Variants in ASCC3 observed in about 807,000 individuals in gnomAD.
The protein encoded by ASCC3 is activating signal cointegrator 1 complex subunit 3, also known as ASC-1 complex subunit P200.
Under a neutral mutation model 256.3 loss-of-function variants are expected in ASCC3, and 158 were observed. The observed-to-expected ratio is 0.62, with a 90% CI of 0.54 to 0.70. The LOEUF (loss-of-function observed/expected upper bound fraction) is 0.70, where lower values mean the gene tolerates loss of function less well. Among genes scored for constraint, ASCC3 ranks in the 30% least tolerant of loss-of-function variants. ASCC3 has a pLI of 0.00. For synonymous variants in ASCC3, 948 were observed against 883.4 expected, an observed-to-expected ratio of 1.07 and a Z score of -1.30; for missense variants, 2,259 against 2,626.0, an observed-to-expected ratio of 0.86 and a Z score of 3.05.
chr6:100,702,987 C>G (rs929392427), intron 13 of ASCC3, among the ~76,000 whole-genome samples: 1 of 151,980 alleles, frequency 6.6e-6, no homozygotes, highest in Admixed American at 6.6e-5. Context: ...TAGGCATGAC[C>G]AATGATCATG....
intron 8 of ASCC3, among the ~76,000 whole-genome samples, chr6:100,794,820 T>TAAGG (rs1455954487): frequency 6.6e-6 from 1 of 152,054 alleles, no homozygotes; most frequent in Non-Finnish European, 1.5e-5. Flanking sequence ...AATAACACCC[T>TAAGG]ACTGACTCTT....
intron 14 of ASCC3, among the ~76,000 whole-genome samples, chr6:100,669,547 C>G (rs548972846): frequency 1.3e-4 from 19 of 151,638 alleles, no homozygotes; most frequent in Non-Finnish European, 2.4e-4. Flanking sequence ...AATGCACTAA[C>G]TTAACTAAAA....
intron 36 of ASCC3, among the ~76,000 whole-genome samples, chr6:100,545,054 C>A (rs938746596): frequency 6.6e-6 from 1 of 152,102 alleles, no homozygotes; most frequent in African/African-American, 2.4e-5. Flanking sequence ...AGAAAAACCA[C>A]ATTATCATCT....
chr6:100,719,710 T>C (rs1287082975), intron 11 of ASCC3, among the ~76,000 whole-genome samples: 1 of 151,966 alleles, frequency 6.6e-6, no homozygotes, highest in African/African-American at 2.4e-5. Context: ...CCTATTTACC[T>C]TAAAAGTATT....
chr6:100,677,133 T>A (rs1190431468), intron 14 of ASCC3, among the ~76,000 whole-genome samples: 1 of 152,112 alleles, frequency 6.6e-6, no homozygotes, highest in East Asian at 1.9e-4. Flanking sequence ...CCATTTAAGT[T>A]CAAAGGCACT....
intron 4 of ASCC3, 64 bp downstream of exon 4, chr6:100,848,084 A>G (rs1431913594): frequency 6.9e-7 from 1 of 1,452,162 alleles, no homozygotes; most frequent in Non-Finnish European, 9.2e-7. Context: ...ACCCATGTTT[A>G]AAAAACACTA....
intron 14 of ASCC3, among the ~76,000 whole-genome samples, chr6:100,674,759 A>G (rs774550430): frequency 6.6e-5 from 10 of 150,648 alleles, no homozygotes; most frequent in Non-Finnish European, 1.2e-4. Context: ...CAGCCTTCCC[A>G]AGTAGTTGGG....
intron 30 of ASCC3, among the ~76,000 whole-genome samples, chr6:100,617,523 G>C (rs1055353616): frequency 1.3e-5 from 2 of 152,130 alleles, no homozygotes; most frequent in Non-Finnish European, 2.9e-5. Context: ...AAAACTTCTA[G>C]AAGTTGTATA....
At chr6:100,679,781 T>C (rs1777204431) in intron 13 of ASCC3, 29 bp from the exon 14 acceptor site, 4 of 1,609,036 alleles carry the variant, frequency 2.5e-6, no homozygotes, top group Non-Finnish European at 3.4e-6. Flanking sequence ...GTTTATTTAA[T>C]ATTCCAATTA....
At chr6:100,581,874 G>C (rs1229832290) in intron 36 of ASCC3, among the ~76,000 whole-genome samples, 1 of 150,558 alleles carries the variant, frequency 6.6e-6, no homozygotes, top group South Asian at 2.1e-4. Flanking sequence ...TCTCAGGTTT[G>C]TCAAAGATCA....
chr6:100,570,225 A>G (rs1419092796), intron 36 of ASCC3, among the ~76,000 whole-genome samples: 1 of 152,166 alleles, frequency 6.6e-6, no homozygotes, highest in Non-Finnish European at 1.5e-5. Flanking sequence ...TATCACCACC[A>G]AAGAGAGATA....
chr6:100,767,178 A>C lies in ASCC3; in HGVS notation c.1563T>G (p.Phe521Leu). The change falls in exon 9 of 42, where the codon TTT (phenylalanine) becomes TTG (leucine). Residue 521 changes from phenylalanine to leucine, a missense_variant. Physicochemically the swap from Phe to Leu is conservative, Grantham distance 22. Transcript: ENST00000369162. ...CATTCTTTTTGATAACACCTTGTTG[A>C]AAATGTTGGCGAATTTCATGCAAGA... ...LTVLHEIRQH[F>L]QQGVIKKNEF... 1 of 1,614,170 alleles carries C rather than the reference A, an allele frequency of 6.2e-7. No homozygotes were observed. Among genetic ancestry groups the C allele is most frequent in the Non-Finnish European group, 8.5e-7 (1 of 1,180,014 alleles).
At chr6:100,659,914 T>A (rs1010110648) in intron 16 of ASCC3, among the ~76,000 whole-genome samples, 2 of 151,594 alleles carry the variant, frequency 1.3e-5, no homozygotes, top group East Asian at 1.9e-4. Flanking sequence ...ACATTTTTTA[T>A]ACAGAGTTCA....
Position 100,510,030 on chromosome 6 carries a change from T to C in ASCC3, c.6363A>G (p.Glu2121=), listed in dbSNP as rs377731197. 1 of 1,614,042 alleles carries C rather than the reference T, an allele frequency of 6.2e-7. No individual in the cohort carries two copies. The highest frequency in any genetic ancestry group is 8.5e-7 in the Non-Finnish European group (1 of 1,180,002). Residue 2121 remains glutamate, a synonymous_variant, in exon 41 of 42, where the codon GAA becomes GAG. Coordinates refer to ENST00000369162, the MANE Select transcript of ASCC3 (RefSeq NM_006828.4). ...KDEGWFLILG[E]VDKRELIALK... is the part of the protein sequence containing the mutation. ...AAGCAATAAGTTCTCTCTTATCCACTTCTCCTAATATCAAAAACCATCCTT... is the reference window on the plus strand; with the variant it reads ...AAGCAATAAGTTCTCTCTTATCCACCTCTCCTAATATCAAAAACCATCCTT...
intron 20 of ASCC3, among the ~76,000 whole-genome samples, chr6:100,649,225 AT>A (rs1453898360): frequency 6.6e-6 from 1 of 151,784 alleles, no homozygotes; most frequent in Admixed American, 6.6e-5. Flanking sequence ...ATTGTAAGCA[AT>A]TCTTATGTCA....
At chr6:100,835,048 T>A (rs899490751) in intron 4 of ASCC3, among the ~76,000 whole-genome samples, 1 of 150,296 alleles carries the variant, frequency 6.7e-6, no homozygotes, top group African/African-American at 2.5e-5. Context: ...AAAAACCATA[T>A]AATGCATCAG....
intron 13 of ASCC3, among the ~76,000 whole-genome samples, chr6:100,703,374 ATACT>A (rs1043047880): frequency 2.8e-4 from 43 of 152,150 alleles, no homozygotes; most frequent in Middle Eastern, 3.4e-3. Flanking sequence ...GAAGAGACAA[ATACT>A]TACTTAAGTA....
intron 34 of ASCC3, among the ~76,000 whole-genome samples, chr6:100,599,044 T>G (rs906328901): frequency 1.3e-5 from 2 of 152,104 alleles, no homozygotes; most frequent in African/African-American, 4.8e-5. Context: ...AGTTACATGA[T>G]TAATTCAGTT....
chr6:100,787,172 A>G (rs1769121925), intron 8 of ASCC3, among the ~76,000 whole-genome samples: 1 of 152,066 alleles, frequency 6.6e-6, no homozygotes, highest in Admixed American at 6.6e-5. Flanking sequence ...TCCCATGATT[A>G]TTTTATGTTA....
Sources: gnomAD v4.1 joint callset for allele counts (sites outside exome capture counted in the v4.1 genomes callset) on GRCh38, gnomAD v4.1.1 for gene constraint, MANE v1.5 for transcripts, NCBI Gene and HGNC (gene_info 2026-07-23, HGNC 2026-07-21) for gene names.